ARRB1: variants seen among roughly 807,000 people sequenced by gnomAD.
ARRB1 encodes beta-arrestin-1.
Under a neutral mutation model 56.8 loss-of-function variants are expected in ARRB1, and 21 were observed. That is an observed-to-expected ratio of 0.37 (90% CI 0.26 to 0.53). The LOEUF (loss-of-function observed/expected upper bound fraction) is 0.53. Among genes scored for constraint, ARRB1 ranks in the 20% least tolerant of loss-of-function variants. The pLI is 0.88. For missense variants in ARRB1, 424 were observed against 553.7 expected, an observed-to-expected ratio of 0.77 and a Z score of 2.35; for synonymous variants, 210 against 218.6, an observed-to-expected ratio of 0.96 and a Z score of 0.35.
chr11:75,269,301 C>A (rs569502793), intron 13 of ARRB1: 2 of 446,530 alleles, frequency 4.5e-6, no homozygotes, highest in African/African-American at 2.0e-5. Context: ...CCCTGGGACC[C>A]CCCCCCACCT....
chr11:75,284,116 A>C, intron 4 of ARRB1, 119 bp downstream of exon 4: 1 of 1,033,856 alleles, frequency 9.7e-7, no homozygotes, highest in Non-Finnish European at 1.4e-6. Context: ...GCATCTGTAG[A>C]GGTATTTGTT....
At position 75,266,172 on chromosome 11, in the gene ARRB1, G is replaced by A; in HGVS notation, c.1248C>T (p.Asn416=). ...EEDGTGSPQL[N]NR Reference sequence around the variant, plus strand: ...GGCAGGGCCGGCCCGTCTATCTGTTGTTGAGCTGTGGAGAGCCGGTACCAT... The same window carrying A: ...GGCAGGGCCGGCCCGTCTATCTGTTATTGAGCTGTGGAGAGCCGGTACCAT... Residue 416 remains asparagine (N), a synonymous_variant, in exon 16 of 16, where the codon AAC becomes AAT. Coordinates refer to ENST00000420843, the MANE Select transcript of ARRB1 (RefSeq NM_004041.5). The A allele has an allele frequency of 5.6e-6, 9 of 1,614,154 alleles. No homozygotes were observed. The highest frequency in any genetic ancestry group is 7.6e-6 in the Non-Finnish European group (9 of 1,179,962).
chr11:75,306,692 C>T (rs903111347), intron 1 of ARRB1: 12 of 1,271,430 alleles, frequency 9.4e-6, no homozygotes, highest in South Asian at 8.9e-5. Flanking sequence ...GGGCCAGCCC[C>T]GCAGGCTCAG....
At chr11:75,276,246 C>A (rs143426036) in intron 10 of ARRB1, among the ~76,000 whole-genome samples, 1 of 152,210 alleles carries the variant, frequency 6.6e-6, no homozygotes, top group African/African-American at 2.4e-5. Context: ...TGAATGGGAG[C>A]ATTTACTTCC....
At chr11:75,301,282 G>A (rs1171763728) in intron 1 of ARRB1, among the ~76,000 whole-genome samples, 1 of 152,212 alleles carries the variant, frequency 6.6e-6, no homozygotes, top group South Asian at 2.1e-4. Flanking sequence ...AGGAGACAGC[G>A]AGCCTCTGGT....
chr11:75,323,669 C>A (rs55914269), intron 1 of ARRB1, among the ~76,000 whole-genome samples: 33,481 of 151,956 alleles, frequency 0.22, 3,829 homozygotes, highest in Admixed American at 0.32. Flanking sequence ...AACCTTCTCT[C>A]CCCCCATGAG....
At chr11:75,346,923 T>G (rs1472771280) in intron 1 of ARRB1, among the ~76,000 whole-genome samples, 1 of 152,042 alleles carries the variant, frequency 6.6e-6, no homozygotes, top group East Asian at 1.9e-4. Flanking sequence ...CTGCCCTGGC[T>G]CCCTCACCAA....
Position 75,262,061 on chromosome 11 carries a change from C to A in ARRB1, c.*4102G>T, listed in dbSNP as rs1177437835. On this transcript the variant is annotated 3_prime_UTR_variant, in exon 16 of 16. Coordinates refer to ENST00000420843, the MANE Select transcript of ARRB1 (RefSeq NM_004041.5). ...ACAAAAGGCTTGGGTTTTTCCTGGG[C>A]CCGAAGCCCTCCCAATGTCACTGAG... The A allele has an allele frequency of 6.6e-6, 1 of 152,162 alleles. No homozygotes were observed. Among genetic ancestry groups the A allele is most frequent in the Non-Finnish European group, 1.5e-5 (1 of 68,042 alleles). 9.4% of individuals were successfully genotyped at this position (152,162 alleles called of 1,614,324 possible). A position where few individuals can be genotyped will look rare whatever the true frequency, so the allele number is the denominator to read the frequency against.
chr11:75,323,177 A>G (rs1255241682), intron 1 of ARRB1, among the ~76,000 whole-genome samples: 1 of 152,226 alleles, frequency 6.6e-6, no homozygotes, highest in East Asian at 1.9e-4. Flanking sequence ...AGAGACCCTA[A>G]GCCAGAACTG....
At chr11:75,275,117 A>T (rs75228774) in intron 10 of ARRB1, among the ~76,000 whole-genome samples, 3 of 142,668 alleles carry the variant, frequency 2.1e-5, no homozygotes, top group African/African-American at 7.8e-5. Context: ...AACAAATTTA[A>T]TTTAAATTTA....
chr11:75,339,066 T>C (rs1394622845), intron 1 of ARRB1, among the ~76,000 whole-genome samples: 1 of 152,222 alleles, frequency 6.6e-6, no homozygotes, highest in Non-Finnish European at 1.5e-5. Context: ...GTGGCCTCAG[T>C]GTGCCCAAAG....
At chr11:75,295,608 C>T (rs989633001) in intron 1 of ARRB1, among the ~76,000 whole-genome samples, 3 of 152,228 alleles carry the variant, frequency 2.0e-5, no homozygotes, top group Non-Finnish European at 4.4e-5. Context: ...TTAACTCCAT[C>T]TGCAACCGTC....
intron 1 of ARRB1, among the ~76,000 whole-genome samples, chr11:75,325,460 T>G (rs1947414952): frequency 6.6e-6 from 1 of 152,192 alleles, no homozygotes; most frequent in African/African-American, 2.4e-5. Flanking sequence ...TAGCTGGGAT[T>G]ACAGGCATGT....
intron 1 of ARRB1, among the ~76,000 whole-genome samples, chr11:75,339,945 C>A (rs2134990675): frequency 6.6e-6 from 1 of 152,326 alleles, no homozygotes; most frequent in East Asian, 1.9e-4. Context: ...TTTCTTGCCA[C>A]CCAGAACCTG....
chr11:75,308,831 C>T (rs1947092118), intron 1 of ARRB1, among the ~76,000 whole-genome samples: 1 of 152,080 alleles, frequency 6.6e-6, no homozygotes, highest in African/African-American at 2.4e-5. Flanking sequence ...ATCTCCTGGG[C>T]GCAAGTGAGC....
At chr11:75,350,655 G>C (rs374505574) in intron 1 of ARRB1, among the ~76,000 whole-genome samples, 2 of 152,334 alleles carry the variant, frequency 1.3e-5, no homozygotes, top group Admixed American at 6.5e-5. Context: ...CTAGGAGAAC[G>C]GGAGGGGTTC....
At position 75,310,052 on chromosome 11, in the gene ARRB1, C is replaced by G. The variant is rs1223647791; in HGVS notation, c.21-20013G>C. Among the ~76,000 whole-genome samples the G allele has an allele frequency of 2.0e-5, 3 of 152,146 alleles. No individual in the cohort carries two copies. In the East Asian group the frequency reaches 5.8e-4, roughly 29 times the overall value. On this transcript the variant is annotated intron_variant, in intron 1 of 15. Coordinates refer to ENST00000420843, the MANE Select transcript of ARRB1 (RefSeq NM_004041.5). Reference sequence around the variant, plus strand: ...ACCAACCTATCTGGAGTGACCTTCCCAGAACCAGCTCTGCCTGCCACAACC... The same window carrying G: ...ACCAACCTATCTGGAGTGACCTTCCGAGAACCAGCTCTGCCTGCCACAACC...
intron 1 of ARRB1, among the ~76,000 whole-genome samples, chr11:75,337,299 G>C (rs576342943): frequency 6.6e-6 from 1 of 152,136 alleles, no homozygotes; most frequent in South Asian, 2.1e-4. Context: ...AAAAATCTTC[G>C]AGGCTGCAGT....
intron 1 of ARRB1, among the ~76,000 whole-genome samples, chr11:75,318,302 T>C (rs1947295939): frequency 6.6e-6 from 1 of 152,070 alleles, no homozygotes; most frequent in Non-Finnish European, 1.5e-5. Context: ...TAACTGAGAC[T>C]ACAGGAACAT....
Sources: allele counts gnomAD v4.1 joint callset (sites outside exome capture counted in the v4.1 genomes callset), GRCh38; gene constraint gnomAD v4.1.1; transcripts MANE v1.5; gene names NCBI Gene and HGNC (gene_info 2026-07-23, HGNC 2026-07-21).